Variants in BSDC1 observed in about 807,000 individuals in gnomAD.
The protein encoded by BSDC1 is BSD domain-containing protein 1.
In BSDC1, 29 loss-of-function variants were observed where a neutral mutation model predicts 56.0. The observed-to-expected ratio is 0.52, with a 90% CI of 0.39 to 0.71. The LOEUF (loss-of-function observed/expected upper bound fraction) is 0.71. Ranked by LOEUF, BSDC1 falls within the 30% of genes least tolerant of loss-of-function variation. BSDC1 has a pLI of 0.00. For missense variants in BSDC1, 477 were observed against 548.5 expected, an observed-to-expected ratio of 0.87 and a Z score of 1.30; for synonymous variants, 210 against 215.3, an observed-to-expected ratio of 0.98 and a Z score of 0.21.
intron 5 of BSDC1, among the ~76,000 whole-genome samples, chr1:32,379,544 T>C (rs1642412673): frequency 6.6e-6 from 1 of 152,158 alleles, no homozygotes; most frequent in Admixed American, 6.6e-5. Context: ...CTGGGGGCCA[T>C]CCTATCTCCT....
At chr1:32,368,988 C>T (rs544445071) in intron 9 of BSDC1, among the ~76,000 whole-genome samples, 74 of 152,278 alleles carry the variant, frequency 4.9e-4, no homozygotes, top group Admixed American at 2.5e-3. Flanking sequence ...TGTGAGCCAC[C>T]GCACCTGGCC....
At chr1:32,391,184 A>G (rs1277220336) in intron 2 of BSDC1, among the ~76,000 whole-genome samples, 2 of 152,158 alleles carry the variant, frequency 1.3e-5, no homozygotes, top group African/African-American at 4.8e-5. Flanking sequence ...AGTGATCACT[A>G]GCGTCAAATG....
chr1:32,367,417 A>C (rs1256613681), intron 10 of BSDC1: 4 of 985,340 alleles, frequency 4.1e-6, no homozygotes, highest in Non-Finnish European at 4.8e-6. Context: ...TCACAAGTGC[A>C]AAATACTCCT....
chr1:32,371,616 CTTTTT>C (rs201163639), intron 9 of BSDC1, among the ~76,000 whole-genome samples: 2 of 151,084 alleles, frequency 1.3e-5, no homozygotes, highest in Non-Finnish European at 3.0e-5. Flanking sequence ...AGCCTGTAGT[CTTTTT>C]TTTTAAGTAC....
At chr1:32,387,493 C>A (rs1354210804) in intron 2 of BSDC1, among the ~76,000 whole-genome samples, 1 of 152,164 alleles carries the variant, frequency 6.6e-6, no homozygotes, top group Non-Finnish European at 1.5e-5. Flanking sequence ...AGGCATGCGC[C>A]ACCACGCCCA....
In BSDC1 at chr1:32,378,094, T is replaced by A; in HGVS notation, c.598-46A>T. On this transcript the variant is annotated intron_variant, in intron 7 of 10. Coordinates refer to ENST00000455895, the MANE Select transcript of BSDC1 (RefSeq NM_018045.8). The surrounding 1 kb of genome is among the most constrained non-coding windows in gnomAD (Gnocchi z 5.2). ...GGCCACAGGCAGTCAGGGCACCCTCTTCCTAGACCCTGGTCCTGATCCCAC... is the reference window on the plus strand; with the variant it reads ...GGCCACAGGCAGTCAGGGCACCCTCATCCTAGACCCTGGTCCTGATCCCAC... 1 of 1,596,972 alleles carries A rather than the reference T, an allele frequency of 6.3e-7. No individual in the cohort carries two copies. Among genetic ancestry groups the A allele is most frequent in the Admixed American group, 1.7e-5 (1 of 58,626 alleles).
At chr1:32,386,668 C>T in intron 3 of BSDC1, 111 bp downstream of exon 3, 1 of 637,922 alleles carries the variant, frequency 1.6e-6, no homozygotes, top group Non-Finnish European at 2.5e-6. Flanking sequence ...AAGTAATCCA[C>T]ATATTTTTCC....
chr1:32,382,504 G>A (rs528278162), intron 4 of BSDC1, among the ~76,000 whole-genome samples: 7 of 151,000 alleles, frequency 4.6e-5, no homozygotes, highest in East Asian at 2.0e-4. Flanking sequence ...AAAAAACTAC[G>A]AAGAGGGCCC....
chr1:32,368,325 A>G, intron 10 of BSDC1, 122 bp downstream of exon 10: 1 of 1,611,842 alleles, frequency 6.2e-7, no homozygotes, highest in African/African-American at 1.3e-5. Flanking sequence ...CTCCTTTCCC[A>G]CCACCTGTCA....
At chr1:32,392,913 A>G (rs1642914714) in intron 2 of BSDC1, among the ~76,000 whole-genome samples, 2 of 152,272 alleles carry the variant, frequency 1.3e-5, no homozygotes, top group South Asian at 4.1e-4. Flanking sequence ...AAAATACAAA[A>G]ATTAGCCAGG....
intron 10 of BSDC1, 188 bp downstream of exon 10, chr1:32,368,259 A>C: frequency 6.6e-7 from 1 of 1,520,020 alleles, no homozygotes; most frequent in Non-Finnish European, 8.8e-7. Context: ...CCTGGAACTG[A>C]GGAAAAGTGC....
intron 2 of BSDC1, among the ~76,000 whole-genome samples, chr1:32,391,734 C>T (rs1005155585): frequency 2.0e-5 from 3 of 151,982 alleles, no homozygotes; most frequent in Non-Finnish European, 4.4e-5. Flanking sequence ...GCAATGTGTT[C>T]TAAGGAGTGC....
intron 3 of BSDC1, among the ~76,000 whole-genome samples, chr1:32,384,822 G>A (rs1224096403): frequency 6.6e-6 from 1 of 151,756 alleles, no homozygotes; most frequent in Admixed American, 6.6e-5. Context: ...ATAGTGCCTG[G>A]CACATATTGT....
At position 32,376,656 on chromosome 1, in the gene BSDC1, A is replaced by G. The variant is rs1296488688; in HGVS notation, c.762T>C (p.Pro254=). 4 of 1,423,696 alleles carry G rather than the reference A, an allele frequency of 2.8e-6. No individual in the cohort carries two copies. The highest frequency in any genetic ancestry group is 3.7e-6 in the Non-Finnish European group (4 of 1,076,648). 88.2% of individuals were successfully genotyped at this position (1,423,696 alleles called of 1,614,324 possible). The change falls in exon 9 of 11, where the codon CCT becomes CCC. Residue 254 remains proline, a synonymous_variant. Coordinates refer to ENST00000455895, the MANE Select transcript of BSDC1 (RefSeq NM_018045.8). The stretch of plus-strand genomic sequence containing the variant: ...TCTCTTCACAGGGGCTCTGGGGGCC[A>G]GGTTCTCCTTCAGGGAATGTAGAAA... ...AKISTFPEGE[P]GPQSPCEENL...
Position 32,368,486 on chromosome 1 carries a change from C to T in BSDC1, c.1221G>A (p.Glu407=), listed in dbSNP as rs770802217. The T allele has an allele frequency of 2.5e-6, 4 of 1,614,196 alleles. No individual in the cohort carries two copies. In the South Asian group the frequency reaches 4.4e-5, roughly 18 times the overall value. The part of the protein sequence containing the change: ...KDFDLDMTEE[E]VQMALSKVDA... The stretch of plus-strand genomic sequence containing the variant: ...CCACTTTGGAAAGTGCCATCTGCAC[C>T]TCCTCTTCAGTCATGTCCAAGTCAA... The change falls in exon 10 of 11, where the codon GAG becomes GAA. Residue 407 remains glutamate, a synonymous_variant. Coordinates refer to ENST00000455895, the MANE Select transcript of BSDC1 (RefSeq NM_018045.8).
intron 4 of BSDC1, among the ~76,000 whole-genome samples, chr1:32,383,617 A>C (rs1241979268): frequency 6.6e-6 from 1 of 152,230 alleles, no homozygotes; most frequent in African/African-American, 2.4e-5. Flanking sequence ...TTATATACCA[A>C]TAAGAAATCA....
chr1:32,369,837 G>C (rs561626040), intron 9 of BSDC1, among the ~76,000 whole-genome samples: 1 of 152,340 alleles, frequency 6.6e-6, no homozygotes, highest in South Asian at 2.1e-4. Flanking sequence ...CTGTCACCCA[G>C]GCTGGAGTGC....
At chr1:32,367,550 C>T (rs774681383) in intron 10 of BSDC1, 27 of 985,324 alleles carry the variant, frequency 2.7e-5, no homozygotes, top group South Asian at 4.7e-5. Flanking sequence ...TGGAAGGACT[C>T]ATGTGGTTCT....
intron 9 of BSDC1, among the ~76,000 whole-genome samples, chr1:32,371,526 G>A (rs1642086281): frequency 6.6e-6 from 1 of 151,840 alleles, no homozygotes; most frequent in Non-Finnish European, 1.5e-5. Flanking sequence ...TAGCCAGGAT[G>A]GTCTCGATCT....
Sources: gnomAD v4.1 joint callset for allele counts (sites outside exome capture counted in the v4.1 genomes callset) on GRCh38, gnomAD v4.1.1 for gene constraint, Gnocchi (gnomAD v3.1) non-coding constraint, MANE v1.5 for transcripts, NCBI Gene and HGNC (gene_info 2026-07-23, HGNC 2026-07-21) for gene names.